KLF8: variants seen among roughly 807,000 people sequenced by gnomAD.
The protein encoded by KLF8 is Krueppel-like factor 8.
Under a neutral mutation model 18.2 loss-of-function variants are expected in KLF8, and 10 were observed. The observed-to-expected ratio is 0.55, with a 90% CI of 0.34 to 0.93. The LOEUF is 0.93. Ranked by LOEUF, KLF8 falls within the 40% of genes least tolerant of loss-of-function variation. The probability of loss-of-function intolerance (pLI) is 0.02; values close to 1 mark genes in which losing one functional copy is unlikely to be tolerated. For missense variants in KLF8, 264 were observed against 277.9 expected (o/e 0.95, Z 0.36); for synonymous variants, 109 against 97.3 (o/e 1.12, Z -0.71).
At chrX:56,225,169 T>G in the KLF8 span, among the ~76,000 whole-genome samples, 1 of 111,812 alleles carries the variant, frequency 8.9e-6, no homozygotes, top group South Asian at 3.8e-4. Flanking sequence ...GGGTGTACTA[T>G]AATTTAGTTA....
chrX:56,037,892 T>C, the KLF8 span, among the ~76,000 whole-genome samples: 1 of 111,871 alleles, frequency 8.9e-6, no homozygotes, highest in Non-Finnish European at 1.9e-5. Context: ...CACCCTGTTT[T>C]GCTGTCAAAT....
the KLF8 span, among the ~76,000 whole-genome samples, chrX:56,101,586 G>C: frequency 2.7e-5 from 3 of 112,022 alleles, no homozygotes; most frequent in Non-Finnish European, 5.6e-5. Flanking sequence ...CCCACCAACA[G>C]TGTATAAGCA....
At chrX:56,029,500 G>A in the KLF8 span, among the ~76,000 whole-genome samples, 3 of 110,787 alleles carry the variant, frequency 2.7e-5, no homozygotes, top group African/African-American at 9.9e-5. Flanking sequence ...GGGCCACTGG[G>A]GTGGTTACTA....
At chrX:56,271,391 C>T (rs890237731) in intron 5 of KLF8, among the ~76,000 whole-genome samples, 1 of 111,770 alleles carries the variant, frequency 8.9e-6, no homozygotes, top group South Asian at 3.8e-4. Flanking sequence ...TCAAAGAAAC[C>T]TGCCTAGAAG....
At chrX:56,067,469 T>C in the KLF8 span, among the ~76,000 whole-genome samples, 2 of 110,748 alleles carry the variant, frequency 1.8e-5, no homozygotes, top group African/African-American at 6.6e-5. Context: ...AGGCAGCTCA[T>C]GTGTGCTGTT....
the KLF8 span, among the ~76,000 whole-genome samples, chrX:56,193,872 A>T: frequency 8.9e-6 from 1 of 111,738 alleles, no homozygotes. Flanking sequence ...TGCAAAAAAA[A>T]TTGAAAGAAT....
the KLF8 span, among the ~76,000 whole-genome samples, chrX:55,984,198 G>C: frequency 9.1e-6 from 1 of 109,765 alleles, no homozygotes; most frequent in Non-Finnish European, 1.9e-5. Context: ...CGTGTGCCAG[G>C]GTGGTTTGGG....
chrX:55,980,385 C>G, the KLF8 span, among the ~76,000 whole-genome samples: 43 of 111,447 alleles, frequency 3.9e-4, no homozygotes, highest in South Asian at 0.016. Context: ...AATATGATCA[C>G]ACATAGGGAA....
the KLF8 span, among the ~76,000 whole-genome samples, chrX:55,984,999 A>C: frequency 6.4e-5 from 7 of 108,768 alleles, no homozygotes; most frequent in East Asian, 2.0e-3. Flanking sequence ...AATTTGTTTA[A>C]GTTCCTTGTA....
chrX:55,943,145 G>A, the KLF8 span, among the ~76,000 whole-genome samples: 1 of 111,224 alleles, frequency 9.0e-6, no homozygotes, highest in Non-Finnish European at 1.9e-5. Context: ...TGACAGAGCA[G>A]TTGGTGGTGC....
the KLF8 span, among the ~76,000 whole-genome samples, chrX:56,134,264 C>G: frequency 1.8e-5 from 2 of 111,709 alleles, no homozygotes; most frequent in African/African-American, 6.5e-5. Context: ...TGACTTCAAA[C>G]TATCCTATAA....
the KLF8 span, among the ~76,000 whole-genome samples, chrX:56,030,673 C>T: frequency 2.8e-4 from 30 of 108,083 alleles, no homozygotes; most frequent in Admixed American, 2.9e-3. Flanking sequence ...CCTGCAGCTT[C>T]ACTTCCTTTC....
chrX:55,946,327 C>T, the KLF8 span, among the ~76,000 whole-genome samples: 2 of 111,251 alleles, frequency 1.8e-5, no homozygotes, highest in Non-Finnish European at 3.8e-5. Flanking sequence ...TCAGAAATAA[C>T]ACCACATATC....
the KLF8 span, among the ~76,000 whole-genome samples, chrX:56,195,452 C>A: frequency 1.8e-5 from 2 of 111,551 alleles, no homozygotes; most frequent in Non-Finnish European, 3.8e-5. Flanking sequence ...AGCTTCAATA[C>A]CCGATTCAAT....
chrX:56,151,019 GA>G, the KLF8 span, among the ~76,000 whole-genome samples: 1 of 111,049 alleles, frequency 9.0e-6, no homozygotes, highest in South Asian at 3.8e-4. Flanking sequence ...CAGCATTCCA[GA>G]AAAAAAGGGA....
chrX:56,049,565 A>G, the KLF8 span, among the ~76,000 whole-genome samples: 3 of 105,759 alleles, frequency 2.8e-5, no homozygotes, highest in Non-Finnish European at 5.8e-5. Context: ...ATGCTGGATT[A>G]CATTTATTGA....
At chrX:55,942,850 G>T in the KLF8 span, among the ~76,000 whole-genome samples, 2 of 112,107 alleles carry the variant, frequency 1.8e-5, no homozygotes, top group African/African-American at 3.2e-5. Flanking sequence ...AATGTGGCTG[G>T]TGCATAGTCA....
chrX:56,242,701 C>T (rs968747580), intron 1 of KLF8, among the ~76,000 whole-genome samples: 12 of 111,776 alleles, frequency 1.1e-4, no homozygotes, highest in Non-Finnish European at 2.1e-4. Context: ...AGATTTCAGT[C>T]TTTCTGTCAC....
the KLF8 span, among the ~76,000 whole-genome samples, chrX:56,201,908 T>A: frequency 2.2e-4 from 24 of 111,624 alleles, no homozygotes; most frequent in African/African-American, 7.5e-4. Context: ...AGTTATTTCG[T>A]TTATCAAGTG....
Sources: gnomAD v4.1 joint callset for allele counts (sites outside exome capture counted in the v4.1 genomes callset) on GRCh38, gnomAD v4.1.1 for gene constraint, MANE v1.5 for transcripts, NCBI Gene and HGNC (gene_info 2026-07-23, HGNC 2026-07-21) for gene names.